The following NBEA variants were observed in gnomAD, a reference collection of about 807,000 sequenced individuals.
The protein encoded by NBEA is lysosomal-trafficking regulator 2.
NBEA carries 44 observed loss-of-function variants against 343.4 expected under a neutral mutation model. That is an observed-to-expected ratio of 0.13 (90% confidence interval 0.10 to 0.16). The LOEUF is 0.16. NBEA is among the 10% of genes least tolerant of loss of function. The pLI, the probability that NBEA is intolerant of heterozygous loss-of-function variation, is 1.00. For synonymous variants in NBEA, 1,175 were observed against 1,238.7 expected, an observed-to-expected ratio of 0.95 and a Z score of 1.08; for missense variants, 2,555 against 3,631.3, an observed-to-expected ratio of 0.70 and a Z score of 7.62.
At chr13:35,480,378 A>G (rs2076074894) in intron 41 of NBEA, among the ~76,000 whole-genome samples, 1 of 152,090 alleles carries the variant, frequency 6.6e-6, no homozygotes, top group Non-Finnish European at 1.5e-5. Context: ...TTAAATTTGA[A>G]TTGCATGTTC....
intron 41 of NBEA, among the ~76,000 whole-genome samples, chr13:35,482,163 TA>T (rs941241191): frequency 2.8e-4 from 42 of 151,894 alleles, no homozygotes; most frequent in African/African-American, 8.9e-4. Context: ...AAGTAAGATT[TA>T]TTTTTTTTAA....
chr13:35,195,885 A>G lies in NBEA; in HGVS notation c.4949A>G (p.Asp1650Gly). The G allele has an allele frequency of 6.3e-7, 1 of 1,597,354 alleles. No homozygotes were observed. Among genetic ancestry groups the G allele is most frequent in the Non-Finnish European group, 8.5e-7 (1 of 1,175,050 alleles). The change falls in exon 31 of 59, where the codon GAC (aspartate) becomes GGC (glycine). Residue 1650 changes from aspartate to glycine, a missense_variant. By Grantham distance (94) the Asp-to-Gly change is moderately conservative. Coordinates refer to ENST00000379939, the MANE Select transcript of NBEA (RefSeq NM_001385012.1). ...FYKETPAAFP[D>G]TIKEKETPTP... ...ACAGAAACACCTGCTGCATTTCCAG[A>G]CACCATAAAAGAAAAAGAAACACCA...
chr13:35,243,671 A>G (rs867706515), intron 34 of NBEA, among the ~76,000 whole-genome samples: 2 of 151,968 alleles, frequency 1.3e-5, no homozygotes, highest in African/African-American at 4.8e-5. Flanking sequence ...AAAACAATAT[A>G]TAAGGATAAA....
chr13:35,256,272 A>G (rs892920621), intron 34 of NBEA, among the ~76,000 whole-genome samples: 1 of 152,120 alleles, frequency 6.6e-6, no homozygotes, highest in African/African-American at 2.4e-5. Context: ...TGACAAGTCA[A>G]GGAGACCCAA....
intron 30 of NBEA, among the ~76,000 whole-genome samples, chr13:35,190,587 A>G (rs904579253): frequency 6.6e-6 from 1 of 152,176 alleles, no homozygotes; most frequent in African/African-American, 2.4e-5. Context: ...AAGTGGCTGC[A>G]GATGATGGAA....
At chr13:35,577,741 G>A (rs1411247513) in intron 45 of NBEA, among the ~76,000 whole-genome samples, 1 of 152,110 alleles carries the variant, frequency 6.6e-6, no homozygotes, top group Admixed American at 6.5e-5. Flanking sequence ...TGAGAATAAA[G>A]AGATGAATAA....
intron 38 of NBEA, among the ~76,000 whole-genome samples, chr13:35,407,267 T>A (rs1297221768): frequency 6.6e-6 from 1 of 151,696 alleles, no homozygotes; most frequent in Non-Finnish European, 1.5e-5. Context: ...ACCCGGCCTA[T>A]TTTTTTTCAT....
At chr13:35,430,667 A>C (rs988306700) in intron 38 of NBEA, among the ~76,000 whole-genome samples, 2 of 152,148 alleles carry the variant, frequency 1.3e-5, no homozygotes, top group Non-Finnish European at 2.9e-5. Context: ...GAGTATGTCT[A>C]TGGTTAGAAA....
chr13:35,290,059 A>G (rs1375070550), intron 34 of NBEA, among the ~76,000 whole-genome samples: 2 of 151,710 alleles, frequency 1.3e-5, no homozygotes, highest in African/African-American at 2.4e-5. Context: ...CATCAATTTT[A>G]ATAACCTTCC....
chr13:35,368,098 T>C (rs913237128), intron 38 of NBEA, among the ~76,000 whole-genome samples: 7 of 151,574 alleles, frequency 4.6e-5, no homozygotes, highest in Non-Finnish European at 8.9e-5. Context: ...GTAATTATTT[T>C]CTTGAAAAGA....
intron 31 of NBEA, among the ~76,000 whole-genome samples, chr13:35,197,274 A>G (rs958767335): frequency 6.6e-6 from 1 of 152,196 alleles, no homozygotes; most frequent in Non-Finnish European, 1.5e-5. Flanking sequence ...ACATCTTTTC[A>G]TACCAAAAAT....
At chr13:35,653,442 C>T (rs920241156) in intron 53 of NBEA, among the ~76,000 whole-genome samples, 10 of 151,668 alleles carry the variant, frequency 6.6e-5, no homozygotes, top group African/African-American at 2.4e-4. Flanking sequence ...CCAATTCCCC[C>T]ACCTCAGCCT....
intron 34 of NBEA, among the ~76,000 whole-genome samples, chr13:35,246,330 C>A (rs2031178307): frequency 6.6e-6 from 1 of 152,110 alleles, no homozygotes; most frequent in South Asian, 2.1e-4. Context: ...TAGTAAGCTA[C>A]TGTGATTTTT....
chr13:35,388,968 C>T (rs1464641750), intron 38 of NBEA, among the ~76,000 whole-genome samples: 1 of 151,456 alleles, frequency 6.6e-6, no homozygotes, highest in African/African-American at 2.4e-5. Context: ...TAAACGTTTA[C>T]GAAGAGTAGA....
intron 56 of NBEA, among the ~76,000 whole-genome samples, chr13:35,667,019 C>T (rs2085387290): frequency 6.6e-6 from 1 of 152,158 alleles, no homozygotes. Flanking sequence ...TTCTATTAAA[C>T]TTTCAAGAAA....
chr13:35,296,117 C>T (rs1372685145), intron 35 of NBEA, among the ~76,000 whole-genome samples: 3 of 152,066 alleles, frequency 2.0e-5, no homozygotes, highest in Admixed American at 6.6e-5. Context: ...TAAGCCTGAT[C>T]GCGGTGGCTC....
At chr13:34,988,113 T>C (rs2060623130) in intron 1 of NBEA, among the ~76,000 whole-genome samples, 1 of 151,006 alleles carries the variant, frequency 6.6e-6, no homozygotes, top group Non-Finnish European at 1.5e-5. Context: ...TACTCTGGTT[T>C]CTGCAAATAT....
At chr13:35,423,711 A>T (rs1258022039) in intron 38 of NBEA, among the ~76,000 whole-genome samples, 2 of 152,030 alleles carry the variant, frequency 1.3e-5, no homozygotes, top group Non-Finnish European at 2.9e-5. Flanking sequence ...CTTGATGGGG[A>T]TGGCATTGAA....
At chr13:35,327,002 T>G (rs2038608114) in intron 36 of NBEA, among the ~76,000 whole-genome samples, 1 of 151,752 alleles carries the variant, frequency 6.6e-6, no homozygotes, top group African/African-American at 2.4e-5. Context: ...AAAGAAGACA[T>G]ACAAGCAGCA....
Sources: allele counts gnomAD v4.1 joint callset (sites outside exome capture counted in the v4.1 genomes callset), GRCh38; gene constraint gnomAD v4.1.1; transcripts MANE v1.5; gene names NCBI Gene and HGNC (gene_info 2026-07-23, HGNC 2026-07-21).